The following MARCHF11 variants were observed in gnomAD, a reference collection of about 807,000 sequenced individuals.
MARCHF11 encodes the protein E3 ubiquitin-protein ligase MARCHF11.
Under a neutral mutation model 37.3 loss-of-function variants are expected in MARCHF11, and 29 were observed. The ratio of observed to expected loss-of-function variants is 0.78; its 90% CI spans 0.58 to 1.06. The LOEUF (loss-of-function observed/expected upper bound fraction) is 1.06, where lower values mean the gene tolerates loss of function less well. MARCHF11 is among the 50% of genes least tolerant of loss of function. MARCHF11 has a pLI of 0.00. For synonymous variants in MARCHF11, 233 were observed against 228.0 expected (o/e 1.02, Z -0.20); for missense variants, 482 against 533.4 (o/e 0.90, Z 0.95).
rs1738422991 is a variant in MARCHF11, at chr5:16,179,258, C to T, written c.318G>A (p.Pro106=). The T allele has an allele frequency of 1.5e-6, 2 of 1,333,318 alleles. No homozygotes were observed. Among genetic ancestry groups the T allele is most frequent in the Non-Finnish European group, 9.6e-7 (1 of 1,040,530 alleles). 82.6% of individuals were successfully genotyped at this position (1,333,318 alleles called of 1,614,324 possible). A position where few individuals can be genotyped will look rare whatever the true frequency, so the allele number is the denominator to read the frequency against. ...CTGCTGCCGCCTCCGGGAGGCGCCT[C>T]GGACCTTCCCCGGAGTCGCCGGCCG... The part of the protein sequence containing the change: ...VAAAGDSGEG[P]RRLPEAAAAK... Residue 106 remains proline, a synonymous_variant, in exon 1 of 4, where the codon CCG becomes CCA. Coordinates refer to ENST00000332432, the MANE Select transcript of MARCHF11 (RefSeq NM_001102562.3).
intron 2 of MARCHF11, among the ~76,000 whole-genome samples, chr5:16,105,506 C>A (rs535161675): frequency 8.5e-5 from 13 of 152,266 alleles, no homozygotes; most frequent in Admixed American, 8.5e-4. Context: ...AACTTTAGGG[C>A]AATCATTCAT....
At chr5:16,093,876 AT>A (rs1736823557) in intron 2 of MARCHF11, among the ~76,000 whole-genome samples, 1 of 152,184 alleles carries the variant, frequency 6.6e-6, no homozygotes, top group African/African-American at 2.4e-5. Context: ...TTTGAAGATT[AT>A]TTTTTAAAGA....
intron 2 of MARCHF11, among the ~76,000 whole-genome samples, chr5:16,142,883 GCTTTTT>G (rs1737736694): frequency 1.4e-5 from 1 of 72,088 alleles, no homozygotes; most frequent in Non-Finnish European, 2.4e-5. Flanking sequence ...ACCACACCTG[GCTTTTT>G]TTTTTTTTTT....
At chr5:16,113,518 G>A (rs1737182285) in intron 2 of MARCHF11, among the ~76,000 whole-genome samples, 1 of 152,054 alleles carries the variant, frequency 6.6e-6, no homozygotes, top group Non-Finnish European at 1.5e-5. Flanking sequence ...AATGAAACAT[G>A]CATACATGGC....
chr5:16,133,494 T>A (rs72738273), intron 2 of MARCHF11, among the ~76,000 whole-genome samples: 7,344 of 152,230 alleles, frequency 0.048, 175 homozygotes, highest in East Asian at 0.11. Context: ...AAAGACCACA[T>A]AGATACATAA....
chr5:16,082,737 T>A (rs1736632665), intron 3 of MARCHF11, among the ~76,000 whole-genome samples: 1 of 152,118 alleles, frequency 6.6e-6, no homozygotes, highest in African/African-American at 2.4e-5. Flanking sequence ...GCTAATCAAC[T>A]CTCCTGGTTA....
chr5:16,093,640 C>T (rs1169634374), intron 2 of MARCHF11, among the ~76,000 whole-genome samples: 1 of 152,166 alleles, frequency 6.6e-6, no homozygotes, highest in Non-Finnish European at 1.5e-5. Context: ...GGGAGAGGCT[C>T]ACCAGAAGCA....
chr5:16,157,780 G>T (rs1338370869), intron 2 of MARCHF11, among the ~76,000 whole-genome samples: 1 of 151,856 alleles, frequency 6.6e-6, no homozygotes, highest in Non-Finnish European at 1.5e-5. Context: ...TCTTGGCAAT[G>T]ATTTTTTTGG....
chr5:16,114,710 G>A (rs1243227633), intron 2 of MARCHF11, among the ~76,000 whole-genome samples: 1 of 151,484 alleles, frequency 6.6e-6, no homozygotes. Flanking sequence ...GGCTGGTCTC[G>A]AACGCCTGAG....
intron 2 of MARCHF11, 39 bp downstream of exon 2, chr5:16,177,687 A>G: frequency 6.4e-7 from 1 of 1,556,078 alleles, no homozygotes; most frequent in East Asian, 2.3e-5. Flanking sequence ...TCATGTTAAC[A>G]AAATTATTTC....
chr5:16,090,330 C>T (rs974298056), intron 3 of MARCHF11, among the ~76,000 whole-genome samples: 1 of 152,184 alleles, frequency 6.6e-6, no homozygotes, highest in Non-Finnish European at 1.5e-5. Context: ...ATGTTCGATA[C>T]TTTTTCTCTT....
chr5:16,071,244 T>G (rs1041961819), intron 3 of MARCHF11, among the ~76,000 whole-genome samples: 1 of 152,220 alleles, frequency 6.6e-6, no homozygotes, highest in African/African-American at 2.4e-5. Context: ...ACGTAAATAC[T>G]GAATATTTTA....
At chr5:16,118,859 C>A (rs1430959064) in intron 2 of MARCHF11, among the ~76,000 whole-genome samples, 6 of 151,980 alleles carry the variant, frequency 3.9e-5, no homozygotes, top group Non-Finnish European at 1.5e-5. Context: ...AAGGACAGGG[C>A]AGTGAAGAGG....
At chr5:16,116,551 C>A (rs1381950979) in intron 2 of MARCHF11, among the ~76,000 whole-genome samples, 1 of 151,902 alleles carries the variant, frequency 6.6e-6, no homozygotes, top group Non-Finnish European at 1.5e-5. Flanking sequence ...AAAAGAAATG[C>A]TGTGCTATTG....
rs547299985 is a variant in MARCHF11, at chr5:16,137,881, T to G, written c.693+39845A>C. ...ATTTAGGGTATCTGGCAGAAGAAAT[T>G]TCTAAGCAGCAAAGCATTCATGATG... On this transcript the variant is annotated intron_variant, in intron 2 of 3. Transcript: ENST00000332432. Among the ~76,000 whole-genome samples the G allele has an allele frequency of 3.3e-5, 5 of 152,262 alleles. No individual in the cohort carries two copies. In the South Asian group the frequency reaches 1.0e-3, roughly 32 times the overall value.
intron 3 of MARCHF11, among the ~76,000 whole-genome samples, chr5:16,077,312 A>G (rs1412393957): frequency 6.6e-6 from 1 of 151,916 alleles, no homozygotes; most frequent in Non-Finnish European, 1.5e-5. Flanking sequence ...AATACAACTA[A>G]TTTTCTGTTT....
intron 2 of MARCHF11, among the ~76,000 whole-genome samples, chr5:16,142,273 ACT>A (rs1737719491): frequency 6.6e-6 from 1 of 152,146 alleles, no homozygotes; most frequent in African/African-American, 2.4e-5. Context: ...GCAACCAAGA[ACT>A]CACAATCATG....
chr5:16,108,045 G>A (rs887660732), intron 2 of MARCHF11, among the ~76,000 whole-genome samples: 4 of 152,194 alleles, frequency 2.6e-5, no homozygotes, highest in Admixed American at 2.0e-4. Flanking sequence ...ACAGAAAGCT[G>A]TCATACTGGC....
At chr5:16,166,404 T>C (rs978487429) in intron 2 of MARCHF11, among the ~76,000 whole-genome samples, 1 of 151,942 alleles carries the variant, frequency 6.6e-6, no homozygotes, top group African/African-American at 2.4e-5. Context: ...TATGTGTAAA[T>C]ATTTCTATAT....
Sources: allele counts gnomAD v4.1 joint callset (sites outside exome capture counted in the v4.1 genomes callset), GRCh38; gene constraint gnomAD v4.1.1; transcripts MANE v1.5; gene names NCBI Gene and HGNC (gene_info 2026-07-23, HGNC 2026-07-21).